The following BICD1 variants were observed in gnomAD, a reference collection of about 807,000 sequenced individuals.
The protein encoded by BICD1 is BICD cargo adaptor 1, also known as protein bicaudal D homolog 1.
A neutral mutation model predicts 92.5 loss-of-function variants in BICD1; 35 were observed. That is an observed-to-expected ratio of 0.38 (90% CI 0.29 to 0.50). BICD1 has a LOEUF of 0.50. BICD1 is among the 20% of genes least tolerant of loss of function. The pLI, the probability that BICD1 is intolerant of heterozygous loss-of-function variation, is 0.93. For synonymous variants in BICD1, 429 were observed against 465.1 expected (o/e 0.92, Z 1.00); for missense variants, 950 against 1,189.8 (o/e 0.80, Z 2.97).
chr12:32,176,560 C>T (rs1333043589), intron 1 of BICD1, among the ~76,000 whole-genome samples: 2 of 152,174 alleles, frequency 1.3e-5, no homozygotes, highest in African/African-American at 4.8e-5. Context: ...GTCCCTTGTT[C>T]CTTGCCCTCA....
At chr12:32,120,747 G>A (rs1164611592) in intron 1 of BICD1, among the ~76,000 whole-genome samples, 1 of 140,050 alleles carries the variant, frequency 7.1e-6, no homozygotes, top group African/African-American at 2.7e-5. Flanking sequence ...TCTTTGGCAC[G>A]CATGACCATT....
chr12:32,279,304 G>A (rs1374395823), intron 2 of BICD1, among the ~76,000 whole-genome samples: 1 of 152,154 alleles, frequency 6.6e-6, no homozygotes, highest in Non-Finnish European at 1.5e-5. Context: ...ATTGATTGCG[G>A]TGGTGGTCAC....
At chr12:32,319,564 G>A (rs563788996) in intron 4 of BICD1, among the ~76,000 whole-genome samples, 15 of 151,828 alleles carry the variant, frequency 9.9e-5, no homozygotes, top group South Asian at 4.2e-4. Flanking sequence ...GGGAGAGGTC[G>A]TTTGTTTTTT....
chr12:32,236,068 T>C (rs1946063024), intron 2 of BICD1, among the ~76,000 whole-genome samples: 1 of 151,944 alleles, frequency 6.6e-6, no homozygotes, highest in Non-Finnish European at 1.5e-5. Flanking sequence ...ACTATTGTAA[T>C]TGTTTGGGGA....
At chr12:32,131,437 A>T (rs187808601) in intron 1 of BICD1, among the ~76,000 whole-genome samples, 1 of 152,290 alleles carries the variant, frequency 6.6e-6, no homozygotes, top group African/African-American at 2.4e-5. Context: ...GTCCTACCAT[A>T]GCTTTACTGG....
intron 1 of BICD1, among the ~76,000 whole-genome samples, chr12:32,191,645 A>G (rs954416557): frequency 6.8e-6 from 1 of 147,754 alleles, no homozygotes; most frequent in Non-Finnish European, 1.5e-5. Flanking sequence ...TATATATTAT[A>G]TGTTATATGC....
chr12:32,199,904 T>C (rs569132177), intron 1 of BICD1, among the ~76,000 whole-genome samples: 8 of 152,302 alleles, frequency 5.3e-5, no homozygotes, highest in Admixed American at 3.3e-4. Context: ...TATTTTGTTA[T>C]GCTTTAAGGC....
At position 32,329,330 on chromosome 12, in the gene BICD1, C is replaced by T. The variant is rs907485964; in HGVS notation, c.2100+775C>T. Among the ~76,000 whole-genome samples, 4 of 152,218 alleles carry T rather than the reference C, an allele frequency of 2.6e-5. No individual in the cohort carries two copies. In the East Asian group the frequency reaches 7.7e-4, roughly 29 times the overall value. ...TAGGCTGGTCTCGAACTCCTGACCT[C>T]AAGTGATCCGCCCACCTCGGCCTCC... On this transcript the variant is annotated intron_variant, in intron 5 of 9. Transcript: ENST00000652176.
At chr12:32,247,280 A>G (rs1006063700) in intron 2 of BICD1, among the ~76,000 whole-genome samples, 2 of 151,600 alleles carry the variant, frequency 1.3e-5, no homozygotes, top group East Asian at 3.9e-4. Context: ...AGTGGTGAAG[A>G]CAAGTAGGTA....
At chr12:32,159,825 G>A (rs1368107807) in intron 1 of BICD1, among the ~76,000 whole-genome samples, 2 of 152,108 alleles carry the variant, frequency 1.3e-5, no homozygotes, top group African/African-American at 4.8e-5. Flanking sequence ...TTCCTGGAGA[G>A]GAAAGAAGAC....
intron 2 of BICD1, among the ~76,000 whole-genome samples, chr12:32,224,547 G>A (rs960780988): frequency 6.6e-6 from 1 of 152,180 alleles, no homozygotes; most frequent in African/African-American, 2.4e-5. Flanking sequence ...TGGGAATTTG[G>A]AAGCAAAGTC....
chr12:32,366,134 A>G (rs1939517129), intron 8 of BICD1, among the ~76,000 whole-genome samples: 2 of 152,332 alleles, frequency 1.3e-5, no homozygotes, highest in South Asian at 2.1e-4. Flanking sequence ...GTTTTAGTGT[A>G]TTTCTGGAAA....
In BICD1 at chr12:32,377,529, C is replaced by T. The variant is rs1260320364; in HGVS notation, c.2841-11C>T. 1 of 1,612,532 alleles carries T rather than the reference C, an allele frequency of 6.2e-7. No individual in the cohort carries two copies. Among genetic ancestry groups the T allele is most frequent in the South Asian group, 1.1e-5 (1 of 91,064 alleles). On this transcript the variant is annotated splice_polypyrimidine_tract_variant and intron_variant, in intron 9 of 9. Coordinates refer to ENST00000652176, the MANE Select transcript of BICD1 (RefSeq NM_001714.4). ...GTGTTTCTTGCTGACGTGCTTGTTT[C>T]TCCTTTCCAGTCCTGACACAGCTCT...
At chr12:32,333,676 A>G (rs1937978555) in intron 5 of BICD1, among the ~76,000 whole-genome samples, 1 of 152,184 alleles carries the variant, frequency 6.6e-6, no homozygotes, top group Admixed American at 6.5e-5. Flanking sequence ...TCAACATGCA[A>G]ACTGTGTGCT....
At chr12:32,142,897 T>C (rs1186577054) in intron 1 of BICD1, among the ~76,000 whole-genome samples, 5 of 149,204 alleles carry the variant, frequency 3.4e-5, no homozygotes, top group Non-Finnish European at 7.4e-5. Context: ...CAATTTGCAT[T>C]GCCTTTGCTG....
chr12:32,209,775 AG>A lies in BICD1; in HGVS notation c.214-6470del, dbSNP rs142573979. ...TCACTTTGTTCCAGTCTCTGCCCAA[AG>A]GTCACCTCTTCCCTGACTGCCCTTT... On this transcript the variant is annotated intron_variant, in intron 1 of 9. Coordinates refer to ENST00000652176, the MANE Select transcript of BICD1 (RefSeq NM_001714.4). Among the ~76,000 whole-genome samples the A allele has an allele frequency of 6.4e-3, 970 of 152,306 alleles. 13 individuals carry two copies. The highest frequency in any genetic ancestry group is 0.022 in the African/African-American group (908 of 41,560).
intron 4 of BICD1, among the ~76,000 whole-genome samples, chr12:32,310,910 T>C (rs764239888): frequency 2.0e-5 from 3 of 152,200 alleles, no homozygotes; most frequent in Non-Finnish European, 4.4e-5. Flanking sequence ...ACCTAGTCCA[T>C]ATACCCTTTC....
chr12:32,307,072 C>T (rs1014670833), intron 4 of BICD1, among the ~76,000 whole-genome samples: 1 of 151,670 alleles, frequency 6.6e-6, no homozygotes, highest in Non-Finnish European at 1.5e-5. Flanking sequence ...TTCTGATTAA[C>T]AAAAGAATTC....
intron 1 of BICD1, among the ~76,000 whole-genome samples, chr12:32,177,802 TATTTATATAAA>T (rs1322069765): frequency 8.1e-6 from 1 of 124,180 alleles, no homozygotes; most frequent in East Asian, 2.3e-4. Flanking sequence ...AAAATATAAA[TATTTATATAAA>T]ATATAAAATA....
Sources: gnomAD v4.1 joint callset for allele counts (sites outside exome capture counted in the v4.1 genomes callset) on GRCh38, gnomAD v4.1.1 for gene constraint, MANE v1.5 for transcripts, NCBI Gene and HGNC (gene_info 2026-07-23, HGNC 2026-07-21) for gene names.